SLC10A7: variants seen among roughly 807,000 people sequenced by gnomAD.
The protein encoded by SLC10A7 is solute carrier family 10 member 7.
Under a neutral mutation model 43.2 loss-of-function variants are expected in SLC10A7, and 29 were observed. The observed-to-expected ratio is 0.67, with a 90% CI of 0.50 to 0.92. SLC10A7 has a LOEUF of 0.92. SLC10A7 is among the 40% of genes least tolerant of loss of function. The pLI, the probability that SLC10A7 is intolerant of heterozygous loss-of-function variation, is 0.00. For missense variants in SLC10A7, 295 were observed against 403.2 expected, an observed-to-expected ratio of 0.73 and a Z score of 2.30; for synonymous variants, 152 against 144.8, an observed-to-expected ratio of 1.05 and a Z score of -0.35.
rs1737821141 is a variant in SLC10A7, at chr4:146,384,047, TC to T, written c.436-58052del. ...TCAGTTACACATCAAAGGTATTGTATCAAATAATCTCTGAGATCTAACACTA... is the reference window on the plus strand; with the variant it reads ...TCAGTTACACATCAAAGGTATTGTATAAATAATCTCTGAGATCTAACACTA... On this transcript the variant is annotated intron_variant, in intron 5 of 11. Coordinates refer to ENST00000335472, the MANE Select transcript of SLC10A7 (RefSeq NM_001029998.6). Among the ~76,000 whole-genome samples, 8 of 152,072 alleles carry T rather than the reference TC, an allele frequency of 5.3e-5. No homozygotes were observed. In the South Asian group the frequency reaches 1.7e-3, roughly 32 times the overall value.
intron 7 of SLC10A7, among the ~76,000 whole-genome samples, chr4:146,302,187 T>A (rs964597237): frequency 1.3e-5 from 2 of 152,332 alleles, no homozygotes; most frequent in African/African-American, 4.8e-5. Flanking sequence ...AATTATTAGA[T>A]GGAATTATTT....
intron 5 of SLC10A7, among the ~76,000 whole-genome samples, chr4:146,383,403 G>T (rs1257410825): frequency 6.6e-6 from 1 of 152,030 alleles, no homozygotes; most frequent in Non-Finnish European, 1.5e-5. Context: ...ATTTGTACAG[G>T]GTGTACACCG....
intron 5 of SLC10A7, among the ~76,000 whole-genome samples, chr4:146,408,217 A>C (rs1426137375): frequency 6.6e-6 from 1 of 152,154 alleles, no homozygotes; most frequent in African/African-American, 2.4e-5. Flanking sequence ...CTCAACAGCC[A>C]TCTCACTACC....
chr4:146,508,872 A>G (rs796264286), intron 3 of SLC10A7, among the ~76,000 whole-genome samples: 5 of 152,342 alleles, frequency 3.3e-5, no homozygotes, highest in African/African-American at 1.2e-4. Flanking sequence ...TGAATGCTGT[A>G]CCACGGCCTA....
chr4:146,395,179 A>T (rs772460472), intron 5 of SLC10A7, among the ~76,000 whole-genome samples: 6 of 152,090 alleles, frequency 3.9e-5, no homozygotes, highest in Non-Finnish European at 7.4e-5. Context: ...GACCAGCCTC[A>T]GCAATATAGC....
chr4:146,357,909 G>A (rs1735770670), intron 5 of SLC10A7, among the ~76,000 whole-genome samples: 1 of 152,074 alleles, frequency 6.6e-6, no homozygotes, highest in African/African-American at 2.4e-5. Flanking sequence ...CCGAAAAAGA[G>A]AAAAGGACTT....
chr4:146,287,510 A>C (rs1018253822), intron 9 of SLC10A7, among the ~76,000 whole-genome samples: 2 of 152,118 alleles, frequency 1.3e-5, no homozygotes, highest in South Asian at 4.2e-4. Context: ...TATGTCAGAG[A>C]TTTTACTTTC....
At chr4:146,519,113 A>AAT (rs1738353152) in intron 1 of SLC10A7, among the ~76,000 whole-genome samples, 2 of 99,554 alleles carry the variant, frequency 2.0e-5, no homozygotes, top group Non-Finnish European at 4.2e-5. Context: ...ATATATATAT[A>AAT]ATATAATATA....
intron 10 of SLC10A7, among the ~76,000 whole-genome samples, chr4:146,271,297 C>T (rs976031374): frequency 7.2e-5 from 11 of 152,198 alleles, no homozygotes; most frequent in Admixed American, 3.3e-4. Context: ...ACATCTGCTC[C>T]TCTGCAGTCT....
chr4:146,488,679 C>A (rs926166707), intron 4 of SLC10A7, among the ~76,000 whole-genome samples: 2 of 152,164 alleles, frequency 1.3e-5, no homozygotes, highest in Admixed American at 1.3e-4. Context: ...TCCTTCCAGG[C>A]ATTATGCCAG....
chr4:146,470,573 T>C (rs1733479941), intron 4 of SLC10A7, among the ~76,000 whole-genome samples: 1 of 152,140 alleles, frequency 6.6e-6, no homozygotes, highest in Admixed American at 6.6e-5. Flanking sequence ...CAATTACCTT[T>C]TTGGAAAGAA....
chr4:146,303,375 CTTT>C (rs111238580), intron 7 of SLC10A7, among the ~76,000 whole-genome samples: 9 of 137,580 alleles, frequency 6.5e-5, no homozygotes, highest in Non-Finnish European at 4.7e-5. Context: ...CTTTTTCTTT[CTTT>C]TTTTTTTTTT....
chr4:146,319,726 G>A (rs1354054881), intron 6 of SLC10A7, among the ~76,000 whole-genome samples: 1 of 151,960 alleles, frequency 6.6e-6, no homozygotes, highest in African/African-American at 2.4e-5. Flanking sequence ...TGGAGTGCAG[G>A]TAGGATAAGG....
chr4:146,286,838 CTG>C (rs1290332310), intron 9 of SLC10A7, among the ~76,000 whole-genome samples: 889 of 14,340 alleles, frequency 0.062, no homozygotes, highest in African/African-American at 0.22. Flanking sequence ...ATGAGAAGGA[CTG>C]TGTTTGGAGT....
Position 146,521,816 on chromosome 4 carries a change from C to T in SLC10A7, c.-99G>A. 5 of 962,108 alleles carry T rather than the reference C, an allele frequency of 5.2e-6. No individual in the cohort carries two copies. The highest frequency in any genetic ancestry group is 8.2e-6 in the Non-Finnish European group (5 of 609,814). 59.6% of individuals were successfully genotyped at this position (962,108 alleles called of 1,614,324 possible). A position where few individuals can be genotyped will look rare whatever the true frequency, so the allele number is the denominator to read the frequency against. ...GGAGCGTCTCCACACTTTCCTTGGT[C>T]CCTCCAGACATGCAGCAGAGCAAGT... On this transcript the variant is annotated 5_prime_UTR_variant, in exon 1 of 12. Transcript: ENST00000335472.
At position 146,440,565 on chromosome 4, in the gene SLC10A7, T is replaced by A. The variant is rs553035761; in HGVS notation, c.435+2218A>T. ...TATATAATAGAGAAATAAATCTTAA[T>A]CTTGTATAAATCACTATCAATTTTT... On this transcript the variant is annotated intron_variant, in intron 5 of 11. Transcript: ENST00000335472. Among the ~76,000 whole-genome samples, 7 of 152,226 alleles carry A rather than the reference T, an allele frequency of 4.6e-5. No individual in the cohort carries two copies. The East Asian group carries it at 1.4e-3, about 29-fold the overall frequency.
rs1053732694 is a variant in SLC10A7, at chr4:146,255,018, T to C, written c.*1473A>G. On this transcript the variant is annotated 3_prime_UTR_variant, in exon 12 of 12. Transcript: ENST00000335472. The stretch of plus-strand genomic sequence containing the variant: ...TATAAATTTACACAGTAGATAAACT[T>C]GGTGAGTTTCTAAGGAATGATTTTT... The C allele has an allele frequency of 6.6e-6, 1 of 152,140 alleles. No homozygotes were observed. The highest frequency in any genetic ancestry group is 2.4e-5 in the African/African-American group (1 of 41,408). 9.4% of individuals were successfully genotyped at this position (152,140 alleles called of 1,614,324 possible).
intron 5 of SLC10A7, among the ~76,000 whole-genome samples, chr4:146,368,042 G>C (rs1004665684): frequency 2.6e-5 from 4 of 152,000 alleles, no homozygotes; most frequent in Non-Finnish European, 5.9e-5. Flanking sequence ...AATCCCGAAA[G>C]CTCTGTTTCA....
intron 5 of SLC10A7, among the ~76,000 whole-genome samples, chr4:146,374,661 C>CACACACACACACAT (rs1553963528): frequency 9.9e-6 from 1 of 100,686 alleles, no homozygotes; most frequent in South Asian, 2.8e-4. Context: ...CACACACACA[C>CACACACACACACAT]ATATATATAT....
Sources: allele counts gnomAD v4.1 joint callset (sites outside exome capture counted in the v4.1 genomes callset), GRCh38; gene constraint gnomAD v4.1.1; transcripts MANE v1.5; gene names NCBI Gene and HGNC (gene_info 2026-07-23, HGNC 2026-07-21).